The following LRPPRC variants were observed in gnomAD, a reference collection of about 807,000 sequenced individuals.
LRPPRC encodes the protein leucine-rich PPR motif-containing protein, mitochondrial.
A neutral mutation model predicts 180.3 loss-of-function variants in LRPPRC; 120 were observed. The ratio of observed to expected loss-of-function variants is 0.67; its 90% CI spans 0.57 to 0.77. The LOEUF is 0.77. LRPPRC is among the 30% of genes least tolerant of loss of function. The pLI is 0.00. For synonymous variants in LRPPRC, 723 were observed against 600.0 expected (o/e 1.21, Z -3.00); for missense variants, 2,012 against 1,657.2 (o/e 1.21, Z -3.72).
chr2:43,932,370 A>G (rs1001901394), intron 25 of LRPPRC, among the ~76,000 whole-genome samples: 1 of 152,130 alleles, frequency 6.6e-6, no homozygotes, highest in Non-Finnish European at 1.5e-5. Flanking sequence ...AATCTACCCA[A>G]TGATAAGACA....
intron 9 of LRPPRC, 40 bp downstream of exon 9, chr2:43,974,110 G>A (rs748552192): frequency 7.7e-6 from 12 of 1,565,702 alleles, no homozygotes; most frequent in South Asian, 1.1e-5. Context: ...TTATTTCACT[G>A]CCAATTACAT....
At chr2:43,894,854 C>A (rs953963322) in intron 35 of LRPPRC, among the ~76,000 whole-genome samples, 1 of 152,186 alleles carries the variant, frequency 6.6e-6, no homozygotes, top group Non-Finnish European at 1.5e-5. Context: ...ATTCCACTTA[C>A]ATTTCTATGA....
intron 27 of LRPPRC, among the ~76,000 whole-genome samples, 160 bp from the exon 28 acceptor site, chr2:43,918,558 G>A (rs959101111): frequency 6.6e-6 from 1 of 151,924 alleles, no homozygotes; most frequent in Non-Finnish European, 1.5e-5. Flanking sequence ...AAGTCGAGAA[G>A]GGAACTTTTC....
In LRPPRC at chr2:43,899,400, A is replaced by C. The variant is rs529757048; in HGVS notation, c.3709+66T>G. The C allele has an allele frequency of 2.0e-4, 314 of 1,604,532 alleles. 1 individual carries two copies. The highest frequency in any genetic ancestry group is 2.6e-4 in the Non-Finnish European group (304 of 1,171,372). On this transcript the variant is annotated intron_variant, in intron 33 of 37. Coordinates refer to ENST00000260665, the MANE Select transcript of LRPPRC (RefSeq NM_133259.4). ...GTGGTATAACTCACCTACCAAAGAA[A>C]TTTGGTCTAGTCTCACTAGAGAGAA...
intron 11 of LRPPRC, among the ~76,000 whole-genome samples, chr2:43,973,353 GTTCA>G (rs954548959): frequency 4.6e-5 from 7 of 151,926 alleles, no homozygotes; most frequent in Non-Finnish European, 2.9e-5. Flanking sequence ...AAAAAACTAC[GTTCA>G]TTAAGTTTGA....
At chr2:43,903,866 A>AT (rs1168295790) in intron 31 of LRPPRC, 1 of 152,242 alleles carries the variant, frequency 6.6e-6, no homozygotes, top group African/African-American at 2.4e-5. Flanking sequence ...GAGCTTATTT[A>AT]TATGGCGAGC....
At chr2:43,905,947 A>T (rs1671054085) in intron 30 of LRPPRC, among the ~76,000 whole-genome samples, 167 bp from the exon 31 acceptor site, 1 of 152,250 alleles carries the variant, frequency 6.6e-6, no homozygotes. Flanking sequence ...CAATGGTTAT[A>T]GAAGGATAAT....
chr2:43,980,033 A>C, intron 2 of LRPPRC, 85 bp from the exon 3 acceptor site: 1 of 1,353,052 alleles, frequency 7.4e-7, no homozygotes, highest in Non-Finnish European at 1.0e-6. Flanking sequence ...GAAATCTATA[A>C]GCATTCAAAA....
In LRPPRC at chr2:43,995,985, A is replaced by C. The variant is rs959954522; in HGVS notation, c.-38T>G. The C allele has an allele frequency of 3.9e-6, 6 of 1,522,690 alleles. No homozygotes were observed. In the African/African-American group the frequency reaches 8.4e-5, roughly 21 times the overall value. The allele number at this position is 1,522,690 out of a possible 1,614,324, so 94.3% of individuals were successfully genotyped here. On this transcript the variant is annotated 5_prime_UTR_variant, in exon 1 of 38. Coordinates refer to ENST00000260665, the MANE Select transcript of LRPPRC (RefSeq NM_133259.4). ...CCCGCAGCGGGAAGCACGCTCCGCC[A>C]GAAGGACAGGAGGAGCATGTGACCG... is the stretch of plus-strand genomic sequence containing the variant.
intron 23 of LRPPRC, among the ~76,000 whole-genome samples, chr2:43,941,858 A>G (rs1672493876): frequency 7.0e-6 from 1 of 143,170 alleles, no homozygotes; most frequent in Non-Finnish European, 1.5e-5. Flanking sequence ...AAAAAAAAAA[A>G]CTAGGCAAAT....
chr2:43,979,093 A>G (rs963413976), intron 3 of LRPPRC, among the ~76,000 whole-genome samples: 1 of 152,220 alleles, frequency 6.6e-6, no homozygotes, highest in East Asian at 1.9e-4. Context: ...TGAACATTAA[A>G]TTGTATTAAA....
chr2:43,919,427 T>C (rs1312477325), intron 27 of LRPPRC, among the ~76,000 whole-genome samples: 1 of 152,230 alleles, frequency 6.6e-6, no homozygotes, highest in Non-Finnish European at 1.5e-5. Flanking sequence ...GAATAGAGAA[T>C]TGTCTATGTT....
At chr2:43,919,178 C>G (rs1671607315) in intron 27 of LRPPRC, among the ~76,000 whole-genome samples, 1 of 152,088 alleles carries the variant, frequency 6.6e-6, no homozygotes, top group African/African-American at 2.4e-5. Flanking sequence ...TTGTGAACTC[C>G]TTATGAGAAT....
chr2:43,906,481 A>G (rs144890457), intron 30 of LRPPRC, among the ~76,000 whole-genome samples: 5 of 152,278 alleles, frequency 3.3e-5, no homozygotes, highest in African/African-American at 9.6e-5. Flanking sequence ...AAACAACAAA[A>G]ACAAACAGAA....
chr2:43,984,280 T>C (rs1390820744), intron 1 of LRPPRC, among the ~76,000 whole-genome samples: 3 of 152,190 alleles, frequency 2.0e-5, no homozygotes, highest in Admixed American at 2.0e-4. Context: ...TTCAAAATTG[T>C]GAAGTCTATT....
At chr2:43,974,402 G>C in intron 8 of LRPPRC, 107 bp from the exon 9 acceptor site, 2 of 878,626 alleles carry the variant, frequency 2.3e-6, no homozygotes, top group Non-Finnish European at 3.8e-6. Flanking sequence ...AACATCAAAA[G>C]CATATAACTG....
intron 36 of LRPPRC, among the ~76,000 whole-genome samples, chr2:43,890,982 G>A (rs763726966): frequency 2.6e-5 from 4 of 152,090 alleles, no homozygotes; most frequent in Non-Finnish European, 4.4e-5. Flanking sequence ...ATTGTCAACC[G>A]CAACTCCGGC....
chr2:43,936,732 G>C (rs1043897016), intron 23 of LRPPRC, among the ~76,000 whole-genome samples: 1 of 152,204 alleles, frequency 6.6e-6, no homozygotes, highest in African/African-American at 2.4e-5. Flanking sequence ...CCTGTTTACA[G>C]TGCATCTTCT....
At chr2:43,946,939 T>C (rs2105084252) in intron 20 of LRPPRC, among the ~76,000 whole-genome samples, 1 of 152,164 alleles carries the variant, frequency 6.6e-6, no homozygotes, top group Middle Eastern at 3.4e-3. Context: ...AAATGACTAC[T>C]GCGTGTATCA....
Sources: allele counts gnomAD v4.1 joint callset (sites outside exome capture counted in the v4.1 genomes callset), GRCh38; gene constraint gnomAD v4.1.1; transcripts MANE v1.5; gene names NCBI Gene and HGNC (gene_info 2026-07-23, HGNC 2026-07-21).